Variants in RMI1 observed in about 807,000 individuals in gnomAD.
The protein encoded by RMI1 is RecQ mediated genome instability 1, also known as recQ-mediated genome instability protein 1.
In RMI1, 36 loss-of-function variants were observed where a neutral mutation model predicts 46.7. The observed-to-expected ratio is 0.77, with a 90% CI of 0.59 to 1.02. The LOEUF is 1.02. Ranked by LOEUF, RMI1 falls within the 50% of genes least tolerant of loss-of-function variation. The pLI, the probability that RMI1 is intolerant of heterozygous loss-of-function variation, is 0.00. For synonymous variants in RMI1, 250 were observed against 252.9 expected (o/e 0.99, Z 0.11); for missense variants, 676 against 713.7 (o/e 0.95, Z 0.60).
chr9:83,980,556 G>A (rs111916510), upstream of RMI1: 1 of 152,922 alleles, frequency 6.5e-6, no homozygotes. Flanking sequence ...CGGTGCAGCA[G>A]AGAAACAGAG....
Position 84,001,581 on chromosome 9 carries a change from G to T in RMI1, c.595G>T (p.Glu199Ter). ...VLGGEVDALLEEYAQEKVLAR... is the reference protein window; with the variant it reads ...VLGGEVDALL ...AGGAGGTGAAGTAGATGCTCTTTTA[G>T]AAGAATATGCCCAAGAAAAAGTACT... Residue 199 changes from glutamate (E) to a stop codon, truncating the protein, a stop_gained, in exon 3 of 3, where the codon GAA becomes TAA. Transcript: ENST00000445877. LOFTEE classifies it high-confidence loss of function. 6.2e-7 allele frequency: 1 copy of T among 1,613,986 alleles called. No individual in the cohort carries two copies. Among genetic ancestry groups the T allele is most frequent in the Non-Finnish European group, 8.5e-7 (1 of 1,179,970 alleles).
chr9:83,988,867 T>C (rs1235324380), intron 1 of RMI1, among the ~76,000 whole-genome samples: 1 of 150,770 alleles, frequency 6.6e-6, no homozygotes, highest in Non-Finnish European at 1.5e-5. Context: ...TTCTGTTTGT[T>C]TTTTTGTTGA....
intron 1 of RMI1, among the ~76,000 whole-genome samples, chr9:83,984,300 G>A (rs975363115): frequency 3.6e-4 from 49 of 138,026 alleles, no homozygotes; most frequent in African/African-American, 1.3e-3. Context: ...ACTGAGTTTC[G>A]TTCTTGTTGC....
At chr9:83,982,882 CTGTT>C (rs1332893717) in intron 1 of RMI1, among the ~76,000 whole-genome samples, 1 of 152,082 alleles carries the variant, frequency 6.6e-6, no homozygotes, top group Non-Finnish European at 1.5e-5. Flanking sequence ...CTTTTATTCT[CTGTT>C]TGAAATTAAG....
intron 1 of RMI1, among the ~76,000 whole-genome samples, chr9:83,982,942 A>C (rs1452680886): frequency 1.3e-5 from 2 of 152,240 alleles, no homozygotes; most frequent in Non-Finnish European, 2.9e-5. Context: ...TCAAGAACTT[A>C]ACAATACATT....
intron 1 of RMI1, among the ~76,000 whole-genome samples, chr9:83,991,328 TTTTTTAGAGACAGGTTCTCAC>T (rs544502284): frequency 1.2e-3 from 188 of 151,984 alleles, no homozygotes; most frequent in African/African-American, 4.2e-3. Flanking sequence ...TTAACTAATA[TTTTTTAGAGACAGGTTCTCAC>T]TTTGTGTCCA....
chr9:83,983,819 A>G (rs1957452626), intron 1 of RMI1, among the ~76,000 whole-genome samples: 1 of 152,122 alleles, frequency 6.6e-6, no homozygotes, highest in South Asian at 2.1e-4. Flanking sequence ...TTTTTTCCTG[A>G]TTATAAAATT....
rs1957746959 is a variant in RMI1 at position 84,002,106 on chromosome 9, A to C, written c.1120A>C (p.Ser374Arg). 1 of 1,613,754 alleles carries C rather than the reference A, an allele frequency of 6.2e-7. No individual in the cohort carries two copies. Among genetic ancestry groups the C allele is most frequent in the Non-Finnish European group, 8.5e-7 (1 of 1,179,916 alleles). ...LTCKNGNNNWSEKNVSEQMTN... is the reference protein window; with the variant it reads ...LTCKNGNNNWREKNVSEQMTN... ...TTGCAAAAATGGAAACAATAATTGG[A>C]GTGAAAAAAATGTATCTGAACAAAT... Residue 374 changes from serine to arginine, a missense_variant, in exon 3 of 3, where the codon AGT becomes CGT. Coordinates refer to ENST00000445877, the MANE Select transcript of RMI1 (RefSeq NM_001358291.2).
chr9:83,993,718 ATTTC>A lies in RMI1; in HGVS notation c.-125-5987_-125-5984del, dbSNP rs544029013. On this transcript the variant is annotated intron_variant, in intron 1 of 2. Coordinates refer to ENST00000445877, the MANE Select transcript of RMI1 (RefSeq NM_001358291.2). The stretch of plus-strand genomic sequence containing the variant: ...AGATCTCATTGTGGTTTTGATTTGT[ATTTC>A]TTTTATGATTAGTGATGTTGAGCAT... Among the ~76,000 whole-genome samples the A allele has an allele frequency of 3.4e-3, 520 of 152,038 alleles. 2 individuals are homozygous for A. Among genetic ancestry groups the A allele is most frequent in the South Asian group, 0.018 (86 of 4,816 alleles).
At chr9:83,991,912 G>A (rs1957580679) in intron 1 of RMI1, among the ~76,000 whole-genome samples, 1 of 152,154 alleles carries the variant, frequency 6.6e-6, no homozygotes, top group South Asian at 2.1e-4. Context: ...ATGTTATATA[G>A]TGTGAATCCT....
Position 83,996,751 on chromosome 9 carries a change from C to CAGA in RMI1, c.-125-2958_-125-2957insAGA, listed in dbSNP as rs1410643067. ...AAGAGGTTTAAATTGGCTTATGGTT[C>CAGA]TGCAGGCTGTACAGGAGCAGGCTGG... On this transcript the variant is annotated intron_variant, in intron 1 of 2. Coordinates refer to ENST00000445877, the MANE Select transcript of RMI1 (RefSeq NM_001358291.2). 1.2e-4 allele frequency among the ~76,000 whole-genome samples: 19 copies of CAGA among 152,148 alleles called. No homozygotes were observed. The East Asian group carries it at 3.7e-3, about 29-fold the overall frequency.
chr9:83,982,061 G>A (rs1176263800), intron 1 of RMI1, among the ~76,000 whole-genome samples: 1 of 152,168 alleles, frequency 6.6e-6, no homozygotes, highest in East Asian at 1.9e-4. Context: ...TGTTGGGTAG[G>A]TAAAACTTAA....
intron 1 of RMI1, among the ~76,000 whole-genome samples, chr9:83,982,046 A>G (rs1295327491): frequency 6.6e-6 from 1 of 152,250 alleles, no homozygotes; most frequent in Non-Finnish European, 1.5e-5. Flanking sequence ...AAGAGTGTAT[A>G]GTCTTGTTGG....
In RMI1 at chr9:84,001,122, G is replaced by A; in HGVS notation, c.136G>A (p.Ala46Thr). ...AAATAATAATGTTAACTTGAGTCAGGCCCAAATGAATAAACAAGTGTTTGA... is the reference window on the plus strand; with the variant it reads ...AAATAATAATGTTAACTTGAGTCAGACCCAAATGAATAAACAAGTGTTTGA... ...EENNNVNLSQ[A>T]QMNKQVFEQW... The change falls in exon 3 of 3, where the codon GCC (alanine) becomes ACC (threonine). Residue 46 changes from alanine to threonine, a missense_variant. Physicochemically the swap from Ala to Thr is moderately conservative, Grantham distance 58. Coordinates refer to ENST00000445877, the MANE Select transcript of RMI1 (RefSeq NM_001358291.2). 1.2e-6 allele frequency: 2 copies of A among 1,614,072 alleles called. No individual in the cohort carries two copies. The highest frequency in any genetic ancestry group is 1.3e-5 in the African/African-American group (1 of 75,032).
Position 84,001,601 on chromosome 9 carries a change from A to T in RMI1, c.615A>T (p.Lys205Asn). ...TTTTAGAAGAATATGCCCAAGAAAA[A>T]GTACTTGCAAGATTAATAGGGGAAC... ...DALLEEYAQE[K>N]VLARLIGEPD... Residue 205 changes from lysine to asparagine, a missense_variant, in exon 3 of 3, where the codon AAA (lysine) becomes AAT (asparagine). Transcript: ENST00000445877. 4.3e-6 allele frequency: 7 copies of T among 1,614,030 alleles called. No homozygotes were observed. The highest frequency in any genetic ancestry group is 5.9e-6 in the Non-Finnish European group (7 of 1,179,978).
chr9:83,987,036 A>G (rs1343039185), intron 1 of RMI1, among the ~76,000 whole-genome samples: 2 of 152,158 alleles, frequency 1.3e-5, no homozygotes, highest in African/African-American at 4.8e-5. Flanking sequence ...ACTAAGAGCC[A>G]TGGCTGGGTT....
intron 1 of RMI1, among the ~76,000 whole-genome samples, chr9:83,984,241 A>T (rs1027336384): frequency 6.6e-6 from 1 of 151,978 alleles, no homozygotes; most frequent in East Asian, 1.9e-4. Flanking sequence ...TCTGGAAAGT[A>T]AAAGAAGTGG....
rs1161373348 is a variant in RMI1, at chr9:84,001,117, G to A, written c.131G>A (p.Ser44Asn). The change falls in exon 3 of 3, where the codon AGT becomes AAT. Residue 44 changes from serine to asparagine, a missense_variant. Physicochemically the swap from Ser to Asn is conservative, Grantham distance 46. Coordinates refer to ENST00000445877, the MANE Select transcript of RMI1 (RefSeq NM_001358291.2). ...GAAGAAAATAATAATGTTAACTTGA[G>A]TCAGGCCCAAATGAATAAACAAGTG... The part of the protein sequence containing the change: ...IQEENNNVNL[S>N]QAQMNKQVFE... 6.2e-7 allele frequency: 1 copy of A among 1,614,110 alleles called. No homozygotes were observed. The highest frequency in any genetic ancestry group is 1.7e-5 in the Admixed American group (1 of 60,002).
chr9:83,985,450 T>G (rs181405277), intron 1 of RMI1, among the ~76,000 whole-genome samples: 38 of 152,298 alleles, frequency 2.5e-4, no homozygotes. Context: ...GTTAAGTATC[T>G]CTTATCACAT....
Sources: allele counts gnomAD v4.1 joint callset (sites outside exome capture counted in the v4.1 genomes callset), GRCh38; gene constraint gnomAD v4.1.1; transcripts MANE v1.5; gene names NCBI Gene and HGNC (gene_info 2026-07-23, HGNC 2026-07-21).